GLT8D2: variants seen among roughly 807,000 people sequenced by gnomAD.
The protein encoded by GLT8D2 is glycosyltransferase 8 domain-containing protein 2.
In GLT8D2, 45 loss-of-function variants were observed where a neutral mutation model predicts 44.5. The observed-to-expected ratio is 1.01, with a 90% confidence interval of 0.80 to 1.30. GLT8D2 has a LOEUF of 1.30. GLT8D2 is among the 50% of genes most tolerant of loss of function. The pLI, the probability that GLT8D2 is intolerant of heterozygous loss-of-function variation, is 0.00. For synonymous variants in GLT8D2, 156 were observed against 157.2 expected (o/e 0.99, Z 0.06); for missense variants, 400 against 430.4 (o/e 0.93, Z 0.62).
At chr12:104,059,715 G>T (rs1882467887) in intron 1 of GLT8D2, among the ~76,000 whole-genome samples, 1 of 152,072 alleles carries the variant, frequency 6.6e-6, no homozygotes, top group Non-Finnish European at 1.5e-5. Context: ...TTATTTGTTT[G>T]TATTTTGTTT....
intron 1 of GLT8D2, among the ~76,000 whole-genome samples, chr12:104,032,907 C>T (rs1273690665): frequency 2.8e-5 from 4 of 142,772 alleles, no homozygotes; most frequent in Admixed American, 7.1e-5. Flanking sequence ...GACAGTGATT[C>T]GTTATATCGT....
At chr12:104,059,021 G>A (rs753550368) in intron 1 of GLT8D2, among the ~76,000 whole-genome samples, 7 of 152,154 alleles carry the variant, frequency 4.6e-5, no homozygotes, top group African/African-American at 1.2e-4. Flanking sequence ...AGGTAAGAGC[G>A]GGACAGCGCA....
intron 1 of GLT8D2, among the ~76,000 whole-genome samples, chr12:104,025,417 C>T (rs770078631): frequency 2.6e-5 from 4 of 151,974 alleles, no homozygotes; most frequent in African/African-American, 4.8e-5. Context: ...CCATGTTGCC[C>T]AGGCTGGTCT....
At chr12:104,022,448 A>G (rs1878021873) in intron 1 of GLT8D2, among the ~76,000 whole-genome samples, 1 of 152,212 alleles carries the variant, frequency 6.6e-6, no homozygotes, top group Non-Finnish European at 1.5e-5. Flanking sequence ...CCCAACTTCA[A>G]GTAACCCAAT....
intron 1 of GLT8D2, among the ~76,000 whole-genome samples, chr12:104,032,879 ATTT>A (rs35467561): frequency 7.0e-6 from 1 of 143,028 alleles, no homozygotes; most frequent in Admixed American, 6.9e-5. Flanking sequence ...TTGCAGCACT[ATTT>A]TTTTTTTTTT....
upstream of GLT8D2, among the ~76,000 whole-genome samples, chr12:104,051,319 A>C (rs907716460): frequency 6.6e-6 from 1 of 152,162 alleles, no homozygotes; most frequent in African/African-American, 2.4e-5. Context: ...CACATTAAGA[A>C]AAAAGTACAA....
In GLT8D2 at chr12:104,059,795, T is replaced by G. The variant is rs974180506; in HGVS notation, c.-423+4154A>C. 4.6e-5 allele frequency among the ~76,000 whole-genome samples: 7 copies of G among 152,168 alleles called. No homozygotes were observed. The East Asian group carries it at 1.2e-3, about 25-fold the overall frequency. On this transcript the variant is annotated intron_variant, in intron 1 of 10. Transcript: ENST00000548660. ...GGAGAAGGTTGGAAATGATTGCTGG[T>G]TGTGCTCTTCCGACCTTTTGTTTGC...
chr12:104,057,215 C>T (rs1410134481), intron 1 of GLT8D2, among the ~76,000 whole-genome samples: 1 of 152,144 alleles, frequency 6.6e-6, no homozygotes, highest in Non-Finnish European at 1.5e-5. Context: ...AGATATCTCA[C>T]AACATTGAAA....
chr12:103,989,956 T>C (rs990632442), intron 10 of GLT8D2, among the ~76,000 whole-genome samples: 1 of 151,866 alleles, frequency 6.6e-6, no homozygotes, highest in Non-Finnish European at 1.5e-5. Context: ...TTAGTGACTG[T>C]ATAGAATGAT....
chr12:104,029,870 T>C (rs1210523779), intron 1 of GLT8D2: 1 of 152,018 alleles, frequency 6.6e-6, no homozygotes, highest in African/African-American at 2.4e-5. Context: ...CTCAAAAAAG[T>C]GATGGGGGTT....
At chr12:104,016,664 AAGAG>A (rs1158869447) in intron 3 of GLT8D2, among the ~76,000 whole-genome samples, 3 of 128,286 alleles carry the variant, frequency 2.3e-5, no homozygotes, top group Non-Finnish European at 3.3e-5. Flanking sequence ...GAAAGAAAGA[AAGAG>A]AGAGAGAGAG....
At chr12:104,012,195 T>TAC (rs1875955777) in intron 4 of GLT8D2, among the ~76,000 whole-genome samples, 1 of 119,756 alleles carries the variant, frequency 8.4e-6, no homozygotes, top group Non-Finnish European at 1.8e-5. Flanking sequence ...AAAAAATATA[T>TAC]ATATATATAT....
chr12:103,992,975 T>C (rs145618616), intron 10 of GLT8D2, among the ~76,000 whole-genome samples: 10 of 152,306 alleles, frequency 6.6e-5, no homozygotes, highest in South Asian at 6.2e-4. Flanking sequence ...AGGATTTCAA[T>C]TGAACAACCT....
chr12:104,045,013 AAAG>A (rs1278436510), intron 1 of GLT8D2, among the ~76,000 whole-genome samples: 6 of 152,234 alleles, frequency 3.9e-5, no homozygotes, highest in Middle Eastern at 3.2e-3. Context: ...TCTATCTTTA[AAAG>A]AAGGACCAGA....
intron 5 of GLT8D2, among the ~76,000 whole-genome samples, chr12:104,002,292 A>AT (rs977357147): frequency 2.6e-5 from 4 of 151,864 alleles, no homozygotes; most frequent in African/African-American, 9.7e-5. Context: ...GGCCATTTGT[A>AT]TTTTTTTCCT....
chr12:104,026,352 C>G (rs969739967), intron 1 of GLT8D2, among the ~76,000 whole-genome samples: 6 of 151,774 alleles, frequency 4.0e-5, no homozygotes, highest in African/African-American at 1.5e-4. Context: ...AAGGGTTGAT[C>G]TACCATGAAA....
chr12:104,062,038 T>TA (rs886827355), intron 1 of GLT8D2, among the ~76,000 whole-genome samples: 67 of 151,178 alleles, frequency 4.4e-4, no homozygotes, highest in African/African-American at 1.3e-3. Flanking sequence ...AAGCAGAAGC[T>TA]AAAAAAAATA....
At chr12:104,012,630 TTCTC>T (rs138444673) in intron 4 of GLT8D2, 10 of 457,508 alleles carry the variant, frequency 2.2e-5, no homozygotes, top group East Asian at 3.6e-5. Flanking sequence ...TGTGACTTCC[TTCTC>T]TCTCTCTCTC....
Position 103,989,229 on chromosome 12 carries a change from T to G in GLT8D2, c.*179A>C, listed in dbSNP as rs1232899223. ...GATTTCCATAGTTATCACATGTACTTAAAGAAGTTAATCAATGCCTATATG... is the reference window on the plus strand; with the variant it reads ...GATTTCCATAGTTATCACATGTACTGAAAGAAGTTAATCAATGCCTATATG... On this transcript the variant is annotated 3_prime_UTR_variant, in exon 11 of 11. Transcript: ENST00000360814. 1 of 456,166 alleles carries G rather than the reference T, an allele frequency of 2.2e-6. No individual in the cohort carries two copies. Among genetic ancestry groups the G allele is most frequent in the African/African-American group, 2.0e-5 (1 of 50,246 alleles). 28.3% of individuals were successfully genotyped at this position (456,166 alleles called of 1,614,324 possible). A position where few individuals can be genotyped will look rare whatever the true frequency, so the allele number is the denominator to read the frequency against.
Sources: allele counts gnomAD v4.1 joint callset (sites outside exome capture counted in the v4.1 genomes callset), GRCh38; gene constraint gnomAD v4.1.1; transcripts MANE v1.5; gene names NCBI Gene and HGNC (gene_info 2026-07-23, HGNC 2026-07-21).